The following KLHL18 variants were observed in gnomAD, a reference collection of about 807,000 sequenced individuals.
The protein encoded by KLHL18 is kelch like family member 18.
Under a neutral mutation model 58.5 loss-of-function variants are expected in KLHL18, and 38 were observed. The ratio of observed to expected loss-of-function variants is 0.65; its 90% CI spans 0.50 to 0.85. KLHL18 has a LOEUF of 0.85. KLHL18 is among the 40% of genes least tolerant of loss of function. The pLI is 0.00. For synonymous variants in KLHL18, 303 were observed against 301.9 expected, an observed-to-expected ratio of 1.00 and a Z score of -0.04; for missense variants, 624 against 778.4, an observed-to-expected ratio of 0.80 and a Z score of 2.36.
intron 1 of KLHL18, among the ~76,000 whole-genome samples, chr3:47,308,447 A>G (rs1447062071): frequency 6.6e-6 from 1 of 152,090 alleles, no homozygotes; most frequent in Non-Finnish European, 1.5e-5. Context: ...CTGGAGTGCA[A>G]TGGCACGATC....
At chr3:47,309,544 C>T (rs1033727274) in intron 1 of KLHL18, among the ~76,000 whole-genome samples, 1 of 152,108 alleles carries the variant, frequency 6.6e-6, no homozygotes, top group African/African-American at 2.4e-5. Context: ...GGGCTCCTCA[C>T]GTCCCAGATG....
intron 3 of KLHL18, among the ~76,000 whole-genome samples, chr3:47,326,737 A>G (rs1262442444): frequency 4.8e-5 from 7 of 145,648 alleles, no homozygotes; most frequent in South Asian, 2.2e-4. Flanking sequence ...TGGCCAACAT[A>G]GTGAAACCCC....
intron 1 of KLHL18, among the ~76,000 whole-genome samples, chr3:47,298,502 A>C (rs1363261355): frequency 6.6e-6 from 1 of 152,180 alleles, no homozygotes; most frequent in Non-Finnish European, 1.5e-5. Context: ...TTATTCGACA[A>C]ATACTGAATA....
At chr3:47,284,617 G>A (rs1389084680) in intron 1 of KLHL18, among the ~76,000 whole-genome samples, 1 of 152,108 alleles carries the variant, frequency 6.6e-6, no homozygotes, top group Non-Finnish European at 1.5e-5. Flanking sequence ...AATTACACGC[G>A]TGAGTCACCG....
At chr3:47,305,583 C>T (rs1172812530) in intron 1 of KLHL18, among the ~76,000 whole-genome samples, 1 of 151,822 alleles carries the variant, frequency 6.6e-6, no homozygotes, top group African/African-American at 2.4e-5. Context: ...TTGTTTTATA[C>T]TGTCTGTCTA....
intron 1 of KLHL18, 100 bp downstream of exon 1, chr3:47,283,194 G>T: frequency 9.0e-7 from 1 of 1,117,114 alleles, no homozygotes; most frequent in Admixed American, 2.2e-5. Context: ...AGGGAGAGGG[G>T]TGGGGAGAAG....
At chr3:47,328,127 G>C (rs1411090269) in intron 3 of KLHL18, among the ~76,000 whole-genome samples, 2 of 152,160 alleles carry the variant, frequency 1.3e-5, no homozygotes, top group Non-Finnish European at 2.9e-5. Flanking sequence ...CACTTTGGGA[G>C]GCCAAGGCAG....
At chr3:47,308,169 C>T (rs149717236) in intron 1 of KLHL18, among the ~76,000 whole-genome samples, 101 of 151,480 alleles carry the variant, frequency 6.7e-4, no homozygotes, top group South Asian at 2.3e-3. Flanking sequence ...CTTAACCCCA[C>T]TGATCCCAAG....
chr3:47,339,854 C>G (rs1230457166), intron 7 of KLHL18, among the ~76,000 whole-genome samples: 2 of 151,940 alleles, frequency 1.3e-5, no homozygotes, highest in Non-Finnish European at 2.9e-5. Context: ...AAGTTTGAGA[C>G]CAGCCTGGGC....
intron 1 of KLHL18, among the ~76,000 whole-genome samples, chr3:47,314,732 C>T (rs1203942701): frequency 3.3e-5 from 5 of 152,238 alleles, no homozygotes; most frequent in African/African-American, 9.6e-5. Context: ...TTGACAACAA[C>T]TATCAGGTTC....
Position 47,343,836 on chromosome 3 carries a change from A to G in KLHL18, c.1620A>G (p.Ser540=). The G allele has an allele frequency of 6.2e-7, 1 of 1,613,776 alleles. No individual in the cohort carries two copies. The highest frequency in any genetic ancestry group is 8.5e-7 in the Non-Finnish European group (1 of 1,179,688). The part of the protein sequence containing the change: ...GGYDGQSNLS[S]VEMYDPETDC... ...ACGACGGACAGTCAAACCTAAGCTC[A>G]GTGGAGATGTATGACCCAGAGACAG... The change falls in exon 10 of 10, where the codon TCA becomes TCG. Residue 540 remains serine, a synonymous_variant. Transcript: ENST00000232766.
intron 3 of KLHL18, among the ~76,000 whole-genome samples, chr3:47,323,023 TG>T (rs1401647471): frequency 4.6e-5 from 7 of 152,180 alleles, no homozygotes; most frequent in Non-Finnish European, 8.8e-5. Context: ...ATTTGTGCAG[TG>T]CTCCTCTACT....
At position 47,343,996 on chromosome 3, in the gene KLHL18, T is replaced by G. The variant is rs1339599478; in HGVS notation, c.*55T>G. 30 of 1,582,550 alleles carry G rather than the reference T, an allele frequency of 1.9e-5. No individual in the cohort carries two copies. The highest frequency in any genetic ancestry group is 2.6e-5 in the Non-Finnish European group (30 of 1,171,484). On this transcript the variant is annotated 3_prime_UTR_variant, in exon 10 of 10. Coordinates refer to ENST00000232766, the MANE Select transcript of KLHL18 (RefSeq NM_025010.5). ...ATCTGGTACAGACATAGGCGCTTCCTTCCAGGAACAGTCCCTCAGGAGAGG... is the reference window on the plus strand; with the variant it reads ...ATCTGGTACAGACATAGGCGCTTCCGTCCAGGAACAGTCCCTCAGGAGAGG...
Position 47,334,889 on chromosome 3 carries a change from G to T in KLHL18, c.898+70G>T, listed in dbSNP as rs1318739625. ...GGATGAGGAAGCACCAGACAAATTA[G>T]CCTGGCCCTTCTGGTTTCTCTGTTT... On this transcript the variant is annotated intron_variant, in intron 6 of 9. Transcript: ENST00000232766. The surrounding 1 kb of genome is among the most constrained non-coding windows in gnomAD (Gnocchi z 4.7). 6.7e-7 allele frequency: 1 copy of T among 1,496,316 alleles called. No homozygotes were observed. The highest frequency in any genetic ancestry group is 2.5e-5 in the East Asian group (1 of 40,542). The allele number at this position is 1,496,316 out of a possible 1,614,324, so 92.7% of individuals were successfully genotyped here. A position where few individuals can be genotyped will look rare whatever the true frequency, so the allele number is the denominator to read the frequency against.
At chr3:47,332,582 C>A (rs1490192599) in intron 4 of KLHL18, among the ~76,000 whole-genome samples, 1 of 111,714 alleles carries the variant, frequency 9.0e-6, no homozygotes, top group Non-Finnish European at 1.6e-5. Context: ...AGCTCTTAAA[C>A]TAATTAATAT....
At chr3:47,312,059 G>A (rs1457991794) in intron 1 of KLHL18, among the ~76,000 whole-genome samples, 2 of 152,244 alleles carry the variant, frequency 1.3e-5, no homozygotes, top group East Asian at 3.9e-4. Context: ...AAGCAAATTC[G>A]GAGGTGTTGT....
chr3:47,328,946 A>G (rs533158768), intron 3 of KLHL18, among the ~76,000 whole-genome samples: 5 of 152,064 alleles, frequency 3.3e-5, no homozygotes, highest in Admixed American at 2.6e-4. Context: ...CCTGGACAAC[A>G]TGGTGAATCC....
chr3:47,300,095 C>G (rs929291613), intron 1 of KLHL18, among the ~76,000 whole-genome samples: 1 of 150,912 alleles, frequency 6.6e-6, no homozygotes, highest in South Asian at 2.1e-4. Context: ...TCCTCTTTCC[C>G]TTCTCCATTC....
chr3:47,333,668 C>T (rs773793354), intron 5 of KLHL18, among the ~76,000 whole-genome samples: 30 of 152,226 alleles, frequency 2.0e-4, no homozygotes, highest in African/African-American at 6.3e-4. Context: ...CACTCAGTGG[C>T]GCAAATGGGA....
Sources: allele counts gnomAD v4.1 joint callset (sites outside exome capture counted in the v4.1 genomes callset), GRCh38; gene constraint gnomAD v4.1.1; non-coding constraint Gnocchi (gnomAD v3.1); transcripts MANE v1.5; gene names NCBI Gene and HGNC (gene_info 2026-07-23, HGNC 2026-07-21).